PPP4R3B: variants seen among roughly 807,000 people sequenced by gnomAD.
PPP4R3B encodes protein phosphatase 4 regulatory subunit 3B, also known as serine/threonine-protein phosphatase 4 regulatory subunit 3B.
PPP4R3B carries 52 observed loss-of-function variants against 95.4 expected under a neutral mutation model. The ratio of observed to expected loss-of-function variants is 0.54; its 90% CI spans 0.44 to 0.69. PPP4R3B has a LOEUF of 0.69. Among genes scored for constraint, PPP4R3B ranks in the 30% least tolerant of loss-of-function variants. The pLI is 0.00. For synonymous variants in PPP4R3B, 407 were observed against 343.9 expected (o/e 1.18, Z -2.03); for missense variants, 1,003 against 1,005.9 (o/e 1.00, Z 0.04).
intron 13 of PPP4R3B, chr2:55,565,908 C>T (rs943086637): frequency 2.4e-4 from 37 of 152,330 alleles, no homozygotes; most frequent in African/African-American, 8.4e-4. Context: ...GAAGCAAAGA[C>T]TTCTCTGACT....
chr2:55,557,578 G>A (rs1000758871), intron 16 of PPP4R3B, among the ~76,000 whole-genome samples: 2 of 152,162 alleles, frequency 1.3e-5, no homozygotes, highest in Admixed American at 6.5e-5. Flanking sequence ...CATAAAATAT[G>A]TTTCAAATAC....
intron 10 of PPP4R3B, 77 bp from the exon 11 acceptor site, chr2:55,577,433 C>G (rs562539626): frequency 8.0e-7 from 1 of 1,246,470 alleles, no homozygotes; most frequent in Non-Finnish European, 1.0e-6. Context: ...TTATAATATA[C>G]AATGCATGTC....
intron 2 of PPP4R3B, among the ~76,000 whole-genome samples, chr2:55,612,049 A>T (rs1388289440): frequency 6.6e-6 from 1 of 152,174 alleles, no homozygotes; most frequent in African/African-American, 2.4e-5. Flanking sequence ...ACATATTTTA[A>T]TACAGCAAAA....
chr2:55,548,833 A>C lies in PPP4R3B; in HGVS notation c.*1078T>G, dbSNP rs1301238457. On this transcript the variant is annotated 3_prime_UTR_variant, in exon 17 of 17. Transcript: ENST00000616407. ...AAATAAAACTTAACTGTTTGCCTCA[A>C]TTTATTTTTAAAATTCACTTACGTA... 1 of 152,654 alleles carries C rather than the reference A, an allele frequency of 6.6e-6. No homozygotes were observed. Among genetic ancestry groups the C allele is most frequent in the African/African-American group, 2.4e-5 (1 of 41,454 alleles). The allele number at this position is 152,654 out of a possible 1,614,324, so 9.5% of individuals were successfully genotyped here. A position where few individuals can be genotyped will look rare whatever the true frequency, so the allele number is the denominator to read the frequency against.
intron 4 of PPP4R3B, among the ~76,000 whole-genome samples, chr2:55,589,356 T>A (rs1418781946): frequency 1.3e-5 from 2 of 152,054 alleles, no homozygotes; most frequent in East Asian, 3.8e-4. Context: ...ACAAGAATTG[T>A]AAGACAAGGA....
At chr2:55,566,067 T>C (rs761812728) in intron 13 of PPP4R3B, among the ~76,000 whole-genome samples, 1 of 152,034 alleles carries the variant, frequency 6.6e-6, no homozygotes, top group South Asian at 2.1e-4. Flanking sequence ...GCATGCCCAG[T>C]AGGCTTATTT....
chr2:55,567,252 T>C (rs902471887), intron 13 of PPP4R3B, among the ~76,000 whole-genome samples: 4 of 152,196 alleles, frequency 2.6e-5, no homozygotes, highest in Admixed American at 6.5e-5. Context: ...TGTGCTACTA[T>C]CCAAAAGGAT....
intron 4 of PPP4R3B, among the ~76,000 whole-genome samples, chr2:55,596,788 C>A (rs1691836683): frequency 6.6e-6 from 1 of 152,038 alleles, no homozygotes; most frequent in African/African-American, 2.4e-5. Context: ...CATGGTGAAA[C>A]CCTGTTTCTA....
intron 4 of PPP4R3B, among the ~76,000 whole-genome samples, chr2:55,590,419 T>TATAA (rs766476771): frequency 1.3e-5 from 2 of 152,304 alleles, no homozygotes; most frequent in Non-Finnish European, 2.9e-5. Flanking sequence ...TGCTTGCTGA[T>TATAA]AGGTTATGAG....
At chr2:55,594,076 C>T (rs182447581) in intron 4 of PPP4R3B, among the ~76,000 whole-genome samples, 3 of 152,034 alleles carry the variant, frequency 2.0e-5, no homozygotes, top group East Asian at 1.9e-4. Context: ...AATCATATAT[C>T]GCATGTTCTC....
chr2:55,565,190 T>C lies in PPP4R3B; in HGVS notation c.1936-149A>G, dbSNP rs751786380. The C allele has an allele frequency of 2.2e-5, 13 of 600,514 alleles. No homozygotes were observed. In the South Asian group the frequency reaches 2.3e-4, roughly 11 times the overall value. 37.2% of individuals were successfully genotyped at this position (600,514 alleles called of 1,614,324 possible). On this transcript the variant is annotated intron_variant, in intron 13 of 16. Coordinates refer to ENST00000616407, the MANE Select transcript of PPP4R3B (RefSeq NM_001122964.3). ...TGTAATGTCCTGGTTTCTTTACACA[T>C]GAGTCAGGACTGCACAGAAAACTTG...
Position 55,589,353 on chromosome 2 carries a change from T to C in PPP4R3B, c.922-397A>G, listed in dbSNP as rs201450398. On this transcript the variant is annotated intron_variant, in intron 4 of 16. Transcript: ENST00000616407. ...TTATAACAGATTAGAAAAACAAGAATTGTAAGACAAGGAACAAGGAAAACA... is the reference window on the plus strand; with the variant it reads ...TTATAACAGATTAGAAAAACAAGAACTGTAAGACAAGGAACAAGGAAAACA... Among the ~76,000 whole-genome samples the C allele has an allele frequency of 5.0e-3, 622 of 124,876 alleles. 7 individuals carry two copies. The highest frequency in any genetic ancestry group is 8.2e-3 in the Non-Finnish European group (470 of 57,410). 81.9% of individuals were successfully genotyped at this position (124,876 alleles called of 152,430 possible). A position where few individuals can be genotyped will look rare whatever the true frequency, so the allele number is the denominator to read the frequency against.
At chr2:55,598,304 C>T in intron 4 of PPP4R3B, 112 bp downstream of exon 4, 3 of 1,111,014 alleles carry the variant, frequency 2.7e-6, no homozygotes, top group African/African-American at 1.6e-5. Context: ...CTTAATAGTA[C>T]ATTTAAACAA....
At chr2:55,588,985 T>C (rs1559010845) in intron 4 of PPP4R3B, 29 bp from the exon 5 acceptor site, 2 of 1,368,370 alleles carry the variant, frequency 1.5e-6, no homozygotes, top group Non-Finnish European at 2.1e-6. Flanking sequence ...TACTATGAAA[T>C]ATTAACAAAA....
Position 55,617,622 on chromosome 2 carries a change from C to T in PPP4R3B, c.-337G>A, listed in dbSNP as rs1695154993. On this transcript the variant is annotated 5_prime_UTR_variant, in exon 1 of 17. Coordinates refer to ENST00000616407, the MANE Select transcript of PPP4R3B (RefSeq NM_001122964.3). ...ACCCGACTCTCTCTGCCTTTCTCTTCCTCCTCCAGCAGGCTCGCACGGGCT... is the reference window on the plus strand; with the variant it reads ...ACCCGACTCTCTCTGCCTTTCTCTTTCTCCTCCAGCAGGCTCGCACGGGCT... The T allele has an allele frequency of 4.8e-6, 1 of 208,760 alleles. No homozygotes were observed. Among genetic ancestry groups the T allele is most frequent in the East Asian group, 1.1e-4 (1 of 8,876 alleles). 12.9% of individuals were successfully genotyped at this position (208,760 alleles called of 1,614,324 possible). A position where few individuals can be genotyped will look rare whatever the true frequency, so the allele number is the denominator to read the frequency against.
At chr2:55,575,237 G>A (rs533308555) in intron 11 of PPP4R3B, among the ~76,000 whole-genome samples, 1 of 152,116 alleles carries the variant, frequency 6.6e-6, no homozygotes, top group Admixed American at 6.5e-5. Flanking sequence ...ACCACGCCCG[G>A]CCTATTTACA....
chr2:55,615,236 A>C, intron 2 of PPP4R3B: 1 of 505,122 alleles, frequency 2.0e-6, no homozygotes, highest in Non-Finnish European at 3.5e-6. Flanking sequence ...ACATCTTAGA[A>C]TAAACCGACA....
intron 3 of PPP4R3B, among the ~76,000 whole-genome samples, chr2:55,599,759 T>C (rs1001416090): frequency 6.6e-6 from 1 of 152,214 alleles, no homozygotes; most frequent in Non-Finnish European, 1.5e-5. Flanking sequence ...GCTGCTGCTT[T>C]AAATATTTTT....
chr2:55,564,269 C>G (rs1252158400), intron 15 of PPP4R3B, 44 bp downstream of exon 15: 12 of 1,472,038 alleles, frequency 8.2e-6, no homozygotes, highest in Non-Finnish European at 1.1e-5. Flanking sequence ...AATTTCTGCA[C>G]TAAATAAGAG....
Sources: gnomAD v4.1 joint callset for allele counts (sites outside exome capture counted in the v4.1 genomes callset) on GRCh38, gnomAD v4.1.1 for gene constraint, MANE v1.5 for transcripts, NCBI Gene and HGNC (gene_info 2026-07-23, HGNC 2026-07-21) for gene names.